The following BRIP1 variants were observed in gnomAD, a reference collection of about 807,000 sequenced individuals.
The protein encoded by BRIP1 is BRCA1 interacting DNA helicase 1.
In BRIP1, 88 loss-of-function variants were observed where a neutral mutation model predicts 119.7. The ratio of observed to expected loss-of-function variants is 0.74; its 90% CI spans 0.62 to 0.88. The LOEUF (loss-of-function observed/expected upper bound fraction) is 0.88, where lower values mean the gene tolerates loss of function less well. Among genes scored for constraint, BRIP1 ranks in the 40% least tolerant of loss-of-function variants. The pLI, the probability that BRIP1 is intolerant of heterozygous loss-of-function variation, is 0.00. For synonymous variants in BRIP1, 443 were observed against 496.5 expected (o/e 0.89, Z 1.43); for missense variants, 1,259 against 1,455.4 (o/e 0.87, Z 2.20).
rs2077540419 is a variant in BRIP1 at position 61,776,690 on chromosome 17, G to A, written c.1936-128C>T. On this transcript the variant is annotated intron_variant, in intron 13 of 19. Transcript: ENST00000259008. This position sits in a 1 kb window ranked among gnomAD's most constrained non-coding sequence, Gnocchi z 5.0. ...CAATTTATTTTTAAATTGTCAGGGGGTTTTCTATTACCTTCAATTAACTGT... is the reference window on the plus strand; with the variant it reads ...CAATTTATTTTTAAATTGTCAGGGGATTTTCTATTACCTTCAATTAACTGT... 2.0e-6 allele frequency: 2 copies of A among 979,580 alleles called. No homozygotes were observed. Among genetic ancestry groups the A allele is most frequent in the South Asian group, 2.8e-5 (2 of 70,800 alleles). 60.7% of individuals were successfully genotyped at this position (979,580 alleles called of 1,614,324 possible).
rs1034545913 is a variant in BRIP1 at position 61,683,754 on chromosome 17, C to A, written c.3292G>T (p.Ala1098Ser). ...HSEHPLCSEEALDPDIELSLV... is the reference protein window; with the variant it reads ...HSEHPLCSEESLDPDIELSLV... ...GACAATTCAATGTCTGGATCCAGGG[C>A]TTCTTCAGAACAGAGCGGATGTTCA... Residue 1098 changes from alanine (A) to serine (S), a missense_variant, in exon 20 of 20, where the codon GCC becomes TCC. Physicochemically the swap from Ala to Ser is moderately conservative, Grantham distance 99 (BLOSUM62 1). Around this residue, in one of 3 missense-constraint regions of BRIP1, gnomAD observed 753 missense variants for 891.8 expected, o/e 0.84. Coordinates refer to ENST00000259008, the MANE Select transcript of BRIP1 (RefSeq NM_032043.3). This position sits in a 1 kb window ranked among gnomAD's most constrained non-coding sequence, Gnocchi z 4.7. 1 of 1,614,132 alleles carries A rather than the reference C, an allele frequency of 6.2e-7. No individual in the cohort carries two copies. Among genetic ancestry groups the A allele is most frequent in the African/African-American group, 1.3e-5 (1 of 75,026 alleles).
chr17:61,732,471 G>A (rs539170108), intron 16 of BRIP1, among the ~76,000 whole-genome samples: 2 of 152,196 alleles, frequency 1.3e-5, no homozygotes, highest in African/African-American at 4.8e-5. Flanking sequence ...GAGGCGAAAG[G>A]TGTTGGTCAA....
At position 61,730,831 on chromosome 17, in the gene BRIP1, TAAAAATATGGAG is replaced by T. The variant is rs1219795531; in HGVS notation, c.2379+12170_2379+12181del. Among the ~76,000 whole-genome samples, 1 of 152,150 alleles carries T rather than the reference TAAAAATATGGAG, an allele frequency of 6.6e-6. No homozygotes were observed. The highest frequency in any genetic ancestry group is 1.5e-5 in the Non-Finnish European group (1 of 68,018). On this transcript the variant is annotated intron_variant, in intron 16 of 19. Transcript: ENST00000259008. The surrounding 1 kb of genome is among the most constrained non-coding windows in gnomAD (Gnocchi z 4.3). Reference sequence around the variant, plus strand: ...CCATCCTTGATCCCAAAATATCTTTTAAAAATATGGAGAATTTAAAAATTAACCTCAGCAATT... The same window carrying T: ...CCATCCTTGATCCCAAAATATCTTTTAATTTAAAAATTAACCTCAGCAATT...
intron 3 of BRIP1, among the ~76,000 whole-genome samples, chr17:61,858,043 G>A (rs574780370): frequency 6.6e-6 from 1 of 152,006 alleles, no homozygotes; most frequent in African/African-American, 2.4e-5. Flanking sequence ...TCTGATACTT[G>A]CATCAAAATA....
rs2061451535 is a variant in BRIP1, at chr17:61,691,870, T to G, written c.2575+1560A>C. ...GATTATAAAATACATTACACAGCTG[T>G]AGTAGTCAAAAAAGTATGGTACTGG... is the stretch of plus-strand genomic sequence containing the variant. On this transcript the variant is annotated intron_variant, in intron 18 of 19. Transcript: ENST00000259008. The surrounding 1 kb of genome is among the most constrained non-coding windows in gnomAD (Gnocchi z 5.0). Among the ~76,000 whole-genome samples, 1 of 152,142 alleles carries G rather than the reference T, an allele frequency of 6.6e-6. No individual in the cohort carries two copies. Among genetic ancestry groups the G allele is most frequent in the African/African-American group, 2.4e-5 (1 of 41,422 alleles).
At position 61,680,653 on chromosome 17, in the gene BRIP1, G is replaced by A. The variant is rs2144049352; in HGVS notation, c.*2643C>T. Among the ~76,000 whole-genome samples the A allele has an allele frequency of 6.6e-6, 1 of 151,640 alleles. No individual in the cohort carries two copies. Among genetic ancestry groups the A allele is most frequent in the African/African-American group, 2.4e-5 (1 of 41,382 alleles). ...CGCCACCACGCCTGGCTAATTTTTT[G>A]TATTTTTAGTAGAGACGGGGTTTCA... On this transcript the variant is annotated 3_prime_UTR_variant, in exon 20 of 20. Coordinates refer to ENST00000259008, the MANE Select transcript of BRIP1 (RefSeq NM_032043.3).
rs1171663610 is a variant in BRIP1, at chr17:61,807,548, T to C, written c.918+919A>G. Among the ~76,000 whole-genome samples, 1 of 152,074 alleles carries C rather than the reference T, an allele frequency of 6.6e-6. No homozygotes were observed. Among genetic ancestry groups the C allele is most frequent in the Non-Finnish European group, 1.5e-5 (1 of 67,974 alleles). On this transcript the variant is annotated intron_variant, in intron 7 of 19. Coordinates refer to ENST00000259008, the MANE Select transcript of BRIP1 (RefSeq NM_032043.3). The surrounding 1 kb of genome is among the most constrained non-coding windows in gnomAD (Gnocchi z 4.5). ...AAGAGAGTATTAAGGAAGAAAAGCA[T>C]AAAACAAAATAATTCACATTATATG... is the stretch of plus-strand genomic sequence containing the variant.
chr17:61,749,052 G>A (rs890218857), intron 14 of BRIP1, among the ~76,000 whole-genome samples: 19 of 151,680 alleles, frequency 1.3e-4, no homozygotes, highest in African/African-American at 2.9e-4. Context: ...CAAGAGAATC[G>A]CTTGAACCTG....
chr17:61,683,054 C>T lies in BRIP1; in HGVS notation c.*242G>A. The T allele has an allele frequency of 2.2e-6, 1 of 452,206 alleles. No individual in the cohort carries two copies. The highest frequency in any genetic ancestry group is 3.9e-6 in the Non-Finnish European group (1 of 253,574). The allele number at this position is 452,206 out of a possible 1,614,324, so 28.0% of individuals were successfully genotyped here. On this transcript the variant is annotated 3_prime_UTR_variant, in exon 20 of 20. Coordinates refer to ENST00000259008, the MANE Select transcript of BRIP1 (RefSeq NM_032043.3). The surrounding 1 kb of genome is among the most constrained non-coding windows in gnomAD (Gnocchi z 4.7). ...GGCTGAGGCAGGAGAATCACTTGAA[C>T]CTGGAGGTGAAGGTTGCAGTGAGCC...
intron 6 of BRIP1, among the ~76,000 whole-genome samples, chr17:61,817,700 T>A (rs1469602581): frequency 1.3e-5 from 2 of 152,164 alleles, no homozygotes. Flanking sequence ...TCAAAAAACA[T>A]AAATACATGT....
chr17:61,827,116 T>C lies in BRIP1; in HGVS notation c.628-18359A>G, dbSNP rs2078421298. Among the ~76,000 whole-genome samples, 10 of 152,324 alleles carry C rather than the reference T, an allele frequency of 6.6e-5. No individual in the cohort carries two copies. The South Asian group carries it at 2.1e-3, about 32-fold the overall frequency. On this transcript the variant is annotated intron_variant, in intron 6 of 19. Coordinates refer to ENST00000259008, the MANE Select transcript of BRIP1 (RefSeq NM_032043.3). This position sits in a 1 kb window ranked among gnomAD's most constrained non-coding sequence, Gnocchi z 5.8. Reference sequence around the variant, plus strand: ...ATAAAAAAAATGAGACTGTGTCCTTTACAGAAACTTAGATAGAGCTGGAGA... The same window carrying C: ...ATAAAAAAAATGAGACTGTGTCCTTCACAGAAACTTAGATAGAGCTGGAGA...
intron 14 of BRIP1, among the ~76,000 whole-genome samples, chr17:61,766,361 T>C (rs553344335): frequency 1.3e-5 from 2 of 152,296 alleles, no homozygotes; most frequent in South Asian, 2.1e-4. Context: ...CTGAGAGATA[T>C]ACAACCTCTC....
At chr17:61,826,731 TAA>T (rs58466965) in intron 6 of BRIP1, among the ~76,000 whole-genome samples, 3,418 of 75,374 alleles carry the variant, frequency 0.045, 156 homozygotes, top group African/African-American at 0.16. Context: ...TATTAAAAAG[TAA>T]AAAAAAAAAA....
Position 61,799,414 on chromosome 17 carries a change from CA to C in BRIP1, c.1141-116del. 1.6e-6 allele frequency: 1 copy of C among 626,940 alleles called. No individual in the cohort carries two copies. Among genetic ancestry groups the C allele is most frequent in the Non-Finnish European group, 2.4e-6 (1 of 408,848 alleles). The allele number at this position is 626,940 out of a possible 1,614,324, so 38.8% of individuals were successfully genotyped here. On this transcript the variant is annotated intron_variant, in intron 8 of 19. Transcript: ENST00000259008. The surrounding 1 kb of genome is among the most constrained non-coding windows in gnomAD (Gnocchi z 5.1). ...TAGGCCAATATTGCAAATGCAATTA[CA>C]TAAGCAACAGAGATTCTAGGTCTTA...
At position 61,682,956 on chromosome 17, in the gene BRIP1, A is replaced by C. The variant is rs978457683; in HGVS notation, c.*340T>G. 7.5e-6 allele frequency: 2 copies of C among 265,032 alleles called. No individual in the cohort carries two copies. The highest frequency in any genetic ancestry group is 6.5e-5 in the East Asian group (1 of 15,284). The allele number at this position is 265,032 out of a possible 1,614,324, so 16.4% of individuals were successfully genotyped here. A position where few individuals can be genotyped will look rare whatever the true frequency, so the allele number is the denominator to read the frequency against. On this transcript the variant is annotated 3_prime_UTR_variant, in exon 20 of 20. Coordinates refer to ENST00000259008, the MANE Select transcript of BRIP1 (RefSeq NM_032043.3). This position sits in a 1 kb window ranked among gnomAD's most constrained non-coding sequence, Gnocchi z 4.9. The stretch of plus-strand genomic sequence containing the variant: ...AGACCAGCCTGGCCAACATGGTGAA[A>C]CCCCATCTCTACTAAAAATACAAAA...
chr17:61,838,663 C>T (rs17614124), intron 6 of BRIP1, among the ~76,000 whole-genome samples: 28,461 of 151,608 alleles, frequency 0.19, 3,101 homozygotes, highest in Admixed American at 0.3. Flanking sequence ...AAAAAAGTTA[C>T]TTACCCAAGT....
Position 61,799,950 on chromosome 17 carries a change from A to C in BRIP1, c.1141-651T>G, listed in dbSNP as rs1457630021. On this transcript the variant is annotated intron_variant, in intron 8 of 19. Coordinates refer to ENST00000259008, the MANE Select transcript of BRIP1 (RefSeq NM_032043.3). The surrounding 1 kb of genome is among the most constrained non-coding windows in gnomAD (Gnocchi z 5.1). Reference sequence around the variant, plus strand: ...AATGGGGGTAAGGCCCAGGATTGTCAGTTAAATAGAGTATTCCATCCTTCT... The same window carrying C: ...AATGGGGGTAAGGCCCAGGATTGTCCGTTAAATAGAGTATTCCATCCTTCT... Among the ~76,000 whole-genome samples the C allele has an allele frequency of 6.6e-6, 1 of 151,314 alleles. No homozygotes were observed. Among genetic ancestry groups the C allele is most frequent in the African/African-American group, 2.5e-5 (1 of 40,670 alleles).
In BRIP1 at chr17:61,767,589, C is replaced by T. The variant is rs117693417; in HGVS notation, c.2097+8812G>A. 0.032 allele frequency among the ~76,000 whole-genome samples: 4,907 copies of T among 152,068 alleles called. 135 individuals carry two copies. Among genetic ancestry groups the T allele is most frequent in the Non-Finnish European group, 0.053 (3,633 of 67,962 alleles). ...GGGCCTAGACTTCTACCATATGTTT[C>T]TTTCTTTCTTTTTGATTTTTAGTAG... On this transcript the variant is annotated intron_variant, in intron 14 of 19. Transcript: ENST00000259008. This position sits in a 1 kb window ranked among gnomAD's most constrained non-coding sequence, Gnocchi z 5.7.
At chr17:61,697,446 T>A (rs968376860) in intron 17 of BRIP1, among the ~76,000 whole-genome samples, 5 of 151,604 alleles carry the variant, frequency 3.3e-5, no homozygotes, top group Non-Finnish European at 4.4e-5. Flanking sequence ...ATCTAAGTTA[T>A]TTGTCATCAC....
Sources: gnomAD v4.1 joint callset for allele counts (sites outside exome capture counted in the v4.1 genomes callset) on GRCh38, gnomAD v4.1.1 for gene constraint, gnomAD v4.1.1 regional missense constraint, Gnocchi (gnomAD v3.1) non-coding constraint, MANE v1.5 for transcripts, NCBI Gene and HGNC (gene_info 2026-07-23, HGNC 2026-07-21) for gene names.